LARS2: variants seen among roughly 807,000 people sequenced by gnomAD.
LARS2 encodes the protein leucine--tRNA ligase, mitochondrial.
Under a neutral mutation model 116.6 loss-of-function variants are expected in LARS2, and 81 were observed. The ratio of observed to expected loss-of-function variants is 0.69; its 90% confidence interval spans 0.58 to 0.84. The LOEUF is 0.84. LARS2 is among the 40% of genes least tolerant of loss of function. The probability of loss-of-function intolerance (pLI) is 0.00; values close to 1 mark genes in which losing one functional copy is unlikely to be tolerated. For missense variants in LARS2, 968 were observed against 1,114.5 expected (o/e 0.87, Z 1.87); for synonymous variants, 396 against 407.2 (o/e 0.97, Z 0.33).
intron 8 of LARS2, among the ~76,000 whole-genome samples, chr3:45,467,479 A>G (rs776141068): frequency 6.6e-6 from 1 of 152,252 alleles, no homozygotes; most frequent in Non-Finnish European, 1.5e-5. Context: ...TTAAAAGAGT[A>G]TATTAACAAC....
intron 15 of LARS2, among the ~76,000 whole-genome samples, chr3:45,507,626 A>G (rs1366423766): frequency 6.6e-6 from 1 of 152,138 alleles, no homozygotes; most frequent in Non-Finnish European, 1.5e-5. Flanking sequence ...TTAAATTACA[A>G]AGAATGTTTA....
intron 6 of LARS2, among the ~76,000 whole-genome samples, chr3:45,442,221 C>A (rs1292228386): frequency 1.3e-5 from 2 of 152,118 alleles, no homozygotes; most frequent in African/African-American, 4.8e-5. Flanking sequence ...AGGAGTCTTA[C>A]CCACAAGCTA....
chr3:45,436,619 C>T (rs929107172), intron 6 of LARS2, among the ~76,000 whole-genome samples: 1 of 151,416 alleles, frequency 6.6e-6, no homozygotes. Context: ...AAGGTGAAAC[C>T]CCGTCTCTAC....
chr3:45,512,474 C>T (rs867849242), intron 15 of LARS2, among the ~76,000 whole-genome samples: 12 of 152,182 alleles, frequency 7.9e-5, no homozygotes, highest in African/African-American at 2.9e-4. Flanking sequence ...AAGGGTATAA[C>T]TAAAACTACT....
chr3:45,405,335 C>T (rs938178118), intron 4 of LARS2, among the ~76,000 whole-genome samples: 1 of 152,120 alleles, frequency 6.6e-6, no homozygotes, highest in Non-Finnish European at 1.5e-5. Flanking sequence ...CTCCTTTGTT[C>T]CTAACAGCCT....
At chr3:45,511,841 G>A (rs1214359182) in intron 15 of LARS2, among the ~76,000 whole-genome samples, 1 of 136,272 alleles carries the variant, frequency 7.3e-6, no homozygotes, top group African/African-American at 2.8e-5. Context: ...GCAGTGGCGT[G>A]ATCTCGGCCC....
chr3:45,399,317 A>G (rs1401177070), intron 3 of LARS2, among the ~76,000 whole-genome samples: 1 of 152,212 alleles, frequency 6.6e-6, no homozygotes, highest in Non-Finnish European at 1.5e-5. Flanking sequence ...AGAATTTAGG[A>G]AGAGACTCCA....
At chr3:45,466,385 G>A (rs1307417297) in intron 8 of LARS2, among the ~76,000 whole-genome samples, 1 of 152,098 alleles carries the variant, frequency 6.6e-6, no homozygotes, top group Admixed American at 6.6e-5. Flanking sequence ...ATTTAGCTCG[G>A]GTCTCTTTTT....
chr3:45,519,520 T>C (rs1157072704), intron 18 of LARS2, among the ~76,000 whole-genome samples: 1 of 149,774 alleles, frequency 6.7e-6, no homozygotes, highest in Non-Finnish European at 1.5e-5. Context: ...AAATTAACCT[T>C]ATCCCATATT....
At chr3:45,545,213 G>A (rs1020405597) in intron 21 of LARS2, among the ~76,000 whole-genome samples, 1 of 152,200 alleles carries the variant, frequency 6.6e-6, no homozygotes, top group Admixed American at 6.5e-5. Context: ...CAGAGTGAGA[G>A]CTCAGCAAAT....
chr3:45,468,945 A>G (rs953213040), intron 8 of LARS2, among the ~76,000 whole-genome samples: 2 of 152,192 alleles, frequency 1.3e-5, no homozygotes, highest in Non-Finnish European at 2.9e-5. Flanking sequence ...AAGCTATTCT[A>G]TAAAGCACTT....
chr3:45,455,926 A>G (rs576331902), intron 7 of LARS2, among the ~76,000 whole-genome samples: 2 of 152,092 alleles, frequency 1.3e-5, no homozygotes, highest in Admixed American at 1.3e-4. Flanking sequence ...TCTCACTTAC[A>G]TGTGGAATCC....
intron 9 of LARS2, among the ~76,000 whole-genome samples, chr3:45,475,100 C>T (rs1436203766): frequency 6.6e-6 from 1 of 152,148 alleles, no homozygotes; most frequent in African/African-American, 2.4e-5. Context: ...CTCCTTCTGT[C>T]ATCAAGACTT....
Position 45,516,288 on chromosome 3 carries a change from T to C in LARS2, c.2044+12T>C. ...GTGGGATGTGAAAAGTAAGTCACCT[T>C]CCTCTTCCTGACTTGCTTCCTTTGT... is the stretch of plus-strand genomic sequence containing the variant. On this transcript the variant is annotated intron_variant, in intron 17 of 21. Transcript: ENST00000645846. 1 of 1,609,284 alleles carries C rather than the reference T, an allele frequency of 6.2e-7. No individual in the cohort carries two copies. Among genetic ancestry groups the C allele is most frequent in the Non-Finnish European group, 8.5e-7 (1 of 1,177,018 alleles).
At chr3:45,536,591 C>T (rs1003247715) in intron 20 of LARS2, among the ~76,000 whole-genome samples, 1 of 152,252 alleles carries the variant, frequency 6.6e-6, no homozygotes, top group Non-Finnish European at 1.5e-5. Flanking sequence ...GGAGTGAACT[C>T]ACTTCTGTAT....
intron 6 of LARS2, among the ~76,000 whole-genome samples, chr3:45,441,258 C>T (rs1270242169): frequency 6.6e-6 from 1 of 152,168 alleles, no homozygotes; most frequent in East Asian, 1.9e-4. Context: ...CTTCTGACCT[C>T]AGGTGATCTG....
intron 6 of LARS2, chr3:45,421,467 C>A (rs1698512082): frequency 6.6e-6 from 1 of 152,150 alleles, no homozygotes; most frequent in Non-Finnish European, 1.5e-5. Context: ...AGATAAATAT[C>A]ACCACTTCTA....
intron 15 of LARS2, among the ~76,000 whole-genome samples, chr3:45,511,907 C>T (rs1042884867): frequency 4.6e-5 from 7 of 151,224 alleles, no homozygotes; most frequent in Non-Finnish European, 7.4e-5. Flanking sequence ...TCCCAAGCAG[C>T]GGGGACTACA....
intron 3 of LARS2, among the ~76,000 whole-genome samples, chr3:45,399,327 A>G (rs1698103196): frequency 6.6e-6 from 1 of 152,204 alleles, no homozygotes; most frequent in African/African-American, 2.4e-5. Context: ...AAGAGACTCC[A>G]TTTTTAGAGA....
Sources: allele counts gnomAD v4.1 joint callset (sites outside exome capture counted in the v4.1 genomes callset), GRCh38; gene constraint gnomAD v4.1.1; transcripts MANE v1.5; gene names NCBI Gene and HGNC (gene_info 2026-07-23, HGNC 2026-07-21).